The following MTMR12 variants were observed in gnomAD, a reference collection of about 807,000 sequenced individuals.
MTMR12 encodes the protein myotubularin-related protein 12.
In MTMR12, 33 loss-of-function variants were observed where a neutral mutation model predicts 96.7. That is an observed-to-expected ratio of 0.34 (90% CI 0.26 to 0.46). The LOEUF is 0.46. Ranked by LOEUF, MTMR12 falls within the 20% of genes least tolerant of loss-of-function variation. MTMR12 has a pLI of 1.00. For synonymous variants in MTMR12, 298 were observed against 327.2 expected (o/e 0.91, Z 0.96); for missense variants, 721 against 896.1 (o/e 0.80, Z 2.49).
intron 3 of MTMR12, among the ~76,000 whole-genome samples, chr5:32,272,961 C>T (rs1406217672): frequency 6.6e-6 from 1 of 152,152 alleles, no homozygotes; most frequent in Non-Finnish European, 1.5e-5. Context: ...ACAGTTGGCA[C>T]ATTGGGGCCA....
chr5:32,244,911 T>A (rs1220741790), intron 10 of MTMR12, among the ~76,000 whole-genome samples: 1 of 152,170 alleles, frequency 6.6e-6, no homozygotes, highest in Non-Finnish European at 1.5e-5. Context: ...ATAAGCTCCA[T>A]CAAGTTTAAG....
intron 1 of MTMR12, among the ~76,000 whole-genome samples, chr5:32,279,064 G>A (rs200054760): frequency 1.3e-4 from 12 of 94,450 alleles, no homozygotes; most frequent in Admixed American, 4.6e-4. Context: ...CAACAAGAGC[G>A]AAACTCTGTC....
chr5:32,257,787 C>T (rs1749198932), intron 7 of MTMR12, among the ~76,000 whole-genome samples: 2 of 151,690 alleles, frequency 1.3e-5, no homozygotes, highest in South Asian at 4.2e-4. Context: ...AACAAACAAA[C>T]AAACAAACAA....
intron 1 of MTMR12, among the ~76,000 whole-genome samples, chr5:32,299,979 C>G (rs1395864228): frequency 6.6e-6 from 1 of 152,162 alleles, no homozygotes; most frequent in Non-Finnish European, 1.5e-5. Context: ...GCCTTGGGTT[C>G]TGCAGTGGGT....
At chr5:32,292,512 T>G (rs545950389) in intron 1 of MTMR12, among the ~76,000 whole-genome samples, 1 of 152,128 alleles carries the variant, frequency 6.6e-6, no homozygotes, top group Non-Finnish European at 1.5e-5. Context: ...TTTAAGTCAA[T>G]AGGCTAAGAA....
Position 32,312,058 on chromosome 5 carries a change from GAC to G in MTMR12, c.81+698_81+699del, listed in dbSNP as rs951701533. Among the ~76,000 whole-genome samples, 2 of 152,318 alleles carry G rather than the reference GAC, an allele frequency of 1.3e-5. No individual in the cohort carries two copies. Among genetic ancestry groups the G allele is most frequent in the Non-Finnish European group, 2.9e-5 (2 of 68,032 alleles). ...TGTCTATCACAAGCACTTAGTGCCTGACACACAGTAGGAGCTCGAGAAGTATT... is the reference window on the plus strand; with the variant it reads ...TGTCTATCACAAGCACTTAGTGCCTGACACAGTAGGAGCTCGAGAAGTATT... On this transcript the variant is annotated intron_variant, in intron 1 of 15. Coordinates refer to ENST00000382142, the MANE Select transcript of MTMR12 (RefSeq NM_001040446.3). The surrounding 1 kb of genome is among the most constrained non-coding windows in gnomAD (Gnocchi z 5.0).
At chr5:32,276,460 T>C (rs1468187465) in intron 2 of MTMR12, among the ~76,000 whole-genome samples, 6 of 152,206 alleles carry the variant, frequency 3.9e-5, no homozygotes, top group Non-Finnish European at 8.8e-5. Flanking sequence ...TTTCATCAGT[T>C]TGGGGGAAGA....
At chr5:32,271,490 C>T (rs548429618) in intron 4 of MTMR12, among the ~76,000 whole-genome samples, 1 of 152,272 alleles carries the variant, frequency 6.6e-6, no homozygotes, top group South Asian at 2.1e-4. Flanking sequence ...GCAGAAAAGA[C>T]ATCTTAATGC....
rs747783571 is a variant in MTMR12, at chr5:32,271,815, G to C, written c.358+18C>G. The C allele has an allele frequency of 2.1e-5, 31 of 1,496,466 alleles. No individual in the cohort carries two copies. In the East Asian group the frequency reaches 6.7e-4, roughly 32 times the overall value. 92.7% of individuals were successfully genotyped at this position (1,496,466 alleles called of 1,614,324 possible). ...CTCTCAAAGGTTGCCAACACCCCAGGGAAAAACAGATACTTACCTCCATAA... is the reference window on the plus strand; with the variant it reads ...CTCTCAAAGGTTGCCAACACCCCAGCGAAAAACAGATACTTACCTCCATAA... On this transcript the variant is annotated intron_variant, in intron 4 of 15. Coordinates refer to ENST00000382142, the MANE Select transcript of MTMR12 (RefSeq NM_001040446.3).
At chr5:32,234,778 C>T (rs1170309934) in intron 14 of MTMR12, 184 bp downstream of exon 14, 3 of 498,326 alleles carry the variant, frequency 6.0e-6, no homozygotes, top group South Asian at 3.8e-5. Flanking sequence ...AAATATGGAA[C>T]GTCTCATGAG....
intron 1 of MTMR12, among the ~76,000 whole-genome samples, chr5:32,289,915 T>C (rs905083206): frequency 6.6e-6 from 1 of 152,204 alleles, no homozygotes; most frequent in South Asian, 2.1e-4. Flanking sequence ...CATCAAGGAC[T>C]TGAAAGACGC....
At position 32,262,308 on chromosome 5, in the gene MTMR12, A is replaced by G. The variant is rs1749392203; in HGVS notation, c.713+805T>C. On this transcript the variant is annotated intron_variant, in intron 7 of 15. Coordinates refer to ENST00000382142, the MANE Select transcript of MTMR12 (RefSeq NM_001040446.3). ...AATTTATAATTGAATGTTCATATCA[A>G]TATTATTCATGGCCAGGCATGATGG... 3.3e-5 allele frequency among the ~76,000 whole-genome samples: 5 copies of G among 152,154 alleles called. No individual in the cohort carries two copies. In the South Asian group the frequency reaches 1.0e-3, roughly 31 times the overall value.
chr5:32,262,942 TC>T (rs1187173144), intron 7 of MTMR12, among the ~76,000 whole-genome samples, 170 bp downstream of exon 7: 1 of 152,176 alleles, frequency 6.6e-6, no homozygotes, highest in Non-Finnish European at 1.5e-5. Flanking sequence ...AGAGAGGTAT[TC>T]GGGGAAAATG....
intron 8 of MTMR12, among the ~76,000 whole-genome samples, chr5:32,249,856 C>T (rs1748847323): frequency 6.6e-6 from 1 of 152,132 alleles, no homozygotes; most frequent in Non-Finnish European, 1.5e-5. Context: ...ACTGGTTGGA[C>T]GGGTGAGTAC....
At chr5:32,282,419 T>C (rs1046115277) in intron 1 of MTMR12, among the ~76,000 whole-genome samples, 1 of 127,656 alleles carries the variant, frequency 7.8e-6, no homozygotes, top group African/African-American at 2.9e-5. Flanking sequence ...AGACTCCATC[T>C]AAAATAAATA....
At chr5:32,232,483 T>C (rs1026273704) in intron 15 of MTMR12, among the ~76,000 whole-genome samples, 2 of 152,120 alleles carry the variant, frequency 1.3e-5, no homozygotes, top group African/African-American at 4.8e-5. Context: ...AGGAGAGAAA[T>C]GAAATCCATT....
rs1233955381 is a variant in MTMR12, at chr5:32,248,651, T to C, written c.896+121A>G. 10 of 714,130 alleles carry C rather than the reference T, an allele frequency of 1.4e-5. No individual in the cohort carries two copies. In the East Asian group the frequency reaches 2.5e-4, roughly 18 times the overall value. The allele number at this position is 714,130 out of a possible 1,614,324, so 44.2% of individuals were successfully genotyped here. On this transcript the variant is annotated intron_variant, in intron 9 of 15. Coordinates refer to ENST00000382142, the MANE Select transcript of MTMR12 (RefSeq NM_001040446.3). ...TAACTCAAAATGATCACTGTTAAGT[T>C]GTATTCCCCTAGCATTAAGCTACCA... is the stretch of plus-strand genomic sequence containing the variant.
chr5:32,230,417 C>T (rs1004207554), intron 15 of MTMR12, 70 bp from the exon 16 acceptor site: 5 of 1,383,148 alleles, frequency 3.6e-6, no homozygotes, highest in East Asian at 2.3e-5. Flanking sequence ...GTTACCATAA[C>T]AAAAAGAGCA....
chr5:32,239,158 T>C lies in MTMR12; in HGVS notation c.1187A>G (p.Asp396Gly). Residue 396 changes from aspartate (D) to glycine (G), a missense_variant, in exon 13 of 16, where the codon GAC becomes GGC. Transcript: ENST00000382142. ...NVLLLEENAS[D>G]LCCLISSLVQ... is the part of the protein sequence containing the mutation. Reference sequence around the variant, plus strand: ...CAGAGAGGAAATGAGACAGCAGAGGTCGGATGCATTCTCCTCTAGGAGAGG... The same window carrying C: ...CAGAGAGGAAATGAGACAGCAGAGGCCGGATGCATTCTCCTCTAGGAGAGG... The C allele has an allele frequency of 6.2e-7, 1 of 1,600,714 alleles. No homozygotes were observed. Among genetic ancestry groups the C allele is most frequent in the Non-Finnish European group, 8.5e-7 (1 of 1,172,444 alleles).
Sources: gnomAD v4.1 joint callset for allele counts (sites outside exome capture counted in the v4.1 genomes callset) on GRCh38, gnomAD v4.1.1 for gene constraint, Gnocchi (gnomAD v3.1) non-coding constraint, MANE v1.5 for transcripts, NCBI Gene and HGNC (gene_info 2026-07-23, HGNC 2026-07-21) for gene names.